The following GPC5 variants were observed in gnomAD, a reference collection of about 807,000 sequenced individuals.
GPC5 encodes the protein glypican 5, also known as glypican-5.
A neutral mutation model predicts 53.9 loss-of-function variants in GPC5; 47 were observed. The observed-to-expected ratio is 0.87, with a 90% CI of 0.69 to 1.11. The LOEUF is 1.11. Among genes scored for constraint, GPC5 ranks in the 50% most tolerant of loss-of-function variants. The probability of loss-of-function intolerance (pLI) is 0.00; values close to 1 mark genes in which losing one functional copy is unlikely to be tolerated. For missense variants in GPC5, 748 were observed against 713.1 expected (o/e 1.05, Z -0.56); for synonymous variants, 286 against 263.3 (o/e 1.09, Z -0.84).
At chr13:91,960,261 C>A (rs149443494) in intron 6 of GPC5, among the ~76,000 whole-genome samples, 1 of 151,286 alleles carries the variant, frequency 6.6e-6, no homozygotes, top group African/African-American at 2.4e-5. Flanking sequence ...ATGCAAAAAT[C>A]AGTGGCATAC....
At chr13:92,780,821 A>AT (rs1194012624) in intron 7 of GPC5, among the ~76,000 whole-genome samples, 2 of 152,078 alleles carry the variant, frequency 1.3e-5, no homozygotes, top group African/African-American at 4.8e-5. Flanking sequence ...AAATGAAGTC[A>AT]TTTTATCTAT....
At chr13:92,267,023 T>C (rs1472608068) in intron 7 of GPC5, among the ~76,000 whole-genome samples, 8 of 152,134 alleles carry the variant, frequency 5.3e-5, no homozygotes, top group Non-Finnish European at 1.2e-4. Context: ...CTATTTTTTC[T>C]TTGCTAAAAT....
At chr13:91,678,408 C>T (rs2035431850) in intron 2 of GPC5, among the ~76,000 whole-genome samples, 1 of 152,048 alleles carries the variant, frequency 6.6e-6, no homozygotes, top group South Asian at 2.1e-4. Flanking sequence ...TTTGTGTTGC[C>T]TAATGAAACT....
chr13:91,655,553 T>TA (rs2034824989), intron 2 of GPC5, among the ~76,000 whole-genome samples: 3 of 152,054 alleles, frequency 2.0e-5, no homozygotes, highest in African/African-American at 7.2e-5. Context: ...AAAAGATATT[T>TA]AAAAATTAAT....
chr13:91,968,867 T>C (rs1040204676), intron 6 of GPC5, among the ~76,000 whole-genome samples: 2 of 152,186 alleles, frequency 1.3e-5, no homozygotes, highest in Admixed American at 6.5e-5. Flanking sequence ...TCATCACTAC[T>C]ACTTATTTTC....
chr13:92,405,334 A>C (rs1409484679), intron 7 of GPC5, among the ~76,000 whole-genome samples: 1 of 152,214 alleles, frequency 6.6e-6, no homozygotes, highest in Non-Finnish European at 1.5e-5. Flanking sequence ...AAACTAGAGT[A>C]CATGTAGAAA....
At chr13:92,023,238 A>G (rs1326512) in intron 6 of GPC5, among the ~76,000 whole-genome samples, 134,797 of 151,906 alleles carry the variant, frequency 0.89, 60,567 homozygotes, top group East Asian at 1. Context: ...TTTTTTTTAT[A>G]TTGTCTCAAA....
intron 5 of GPC5, among the ~76,000 whole-genome samples, chr13:91,809,432 G>T (rs2038275512): frequency 6.6e-6 from 1 of 152,068 alleles, no homozygotes; most frequent in Non-Finnish European, 1.5e-5. Context: ...CTTCACATTT[G>T]CTTTGCTTTG....
chr13:92,451,176 GA>G (rs897766553), intron 7 of GPC5, among the ~76,000 whole-genome samples: 2 of 151,738 alleles, frequency 1.3e-5, no homozygotes, highest in African/African-American at 4.8e-5. Flanking sequence ...GGTCCTACCA[GA>G]AAAAAAATAA....
intron 5 of GPC5, among the ~76,000 whole-genome samples, chr13:91,830,753 C>CATATATATATCCTATTATATATAAA (rs2038642723): frequency 7.2e-6 from 1 of 138,662 alleles, no homozygotes; most frequent in East Asian, 2.1e-4. Flanking sequence ...TAAATATACA[C>CATATATATATCCTATTATATATAAA]ATATATATAT....
At chr13:91,842,704 C>CAAAAA (rs58660493) in intron 5 of GPC5, among the ~76,000 whole-genome samples, 3 of 58,836 alleles carry the variant, frequency 5.1e-5, no homozygotes, top group African/African-American at 1.5e-4. Flanking sequence ...GACTCCGTCT[C>CAAAAA]AAAAAAAAAA....
rs147370482 is a variant in GPC5, at chr13:92,348,364, A to G, written c.1561+203375A>G. On this transcript the variant is annotated intron_variant, in intron 7 of 7. Coordinates refer to ENST00000377067, the MANE Select transcript of GPC5 (RefSeq NM_004466.6). ...ACATCATATGATAATAAAGGGGTCA[A>G]TTTATCAAGAGGATATAATAATAGT... Among the ~76,000 whole-genome samples the G allele has an allele frequency of 8.5e-3, 1,292 of 152,190 alleles. 16 individuals are homozygous for G. The highest frequency in any genetic ancestry group is 0.03 in the African/African-American group (1,230 of 41,542).
At chr13:92,631,594 T>A (rs1374345234) in intron 7 of GPC5, among the ~76,000 whole-genome samples, 1 of 152,304 alleles carries the variant, frequency 6.6e-6, no homozygotes, top group South Asian at 2.1e-4. Flanking sequence ...ATTAGGTTTG[T>A]ATAAAAACAG....
At chr13:92,796,025 G>A (rs1876665530) in intron 7 of GPC5, among the ~76,000 whole-genome samples, 1 of 151,906 alleles carries the variant, frequency 6.6e-6, no homozygotes, top group African/African-American at 2.4e-5. Context: ...CATACCCAAA[G>A]GATTATAAAT....
At chr13:91,429,502 A>G (rs1421993421) in intron 1 of GPC5, among the ~76,000 whole-genome samples, 1 of 152,238 alleles carries the variant, frequency 6.6e-6, no homozygotes, top group South Asian at 2.1e-4. Context: ...TAATTCTAAC[A>G]TAGGCCCTCA....
Position 91,765,745 on chromosome 13 carries a change from C to G in GPC5, c.1280+9325C>G, listed in dbSNP as rs576844070. Among the ~76,000 whole-genome samples the G allele has an allele frequency of 2.6e-5, 4 of 152,218 alleles. No homozygotes were observed. The East Asian group carries it at 7.7e-4, about 29-fold the overall frequency. The stretch of plus-strand genomic sequence containing the variant: ...TTCTTTTTTGATTGAGAGGATTCAA[C>G]AGTATTTAATGAAAGAGGTAATATG... On this transcript the variant is annotated intron_variant, in intron 5 of 7. Transcript: ENST00000377067.
Position 91,882,760 on chromosome 13 carries a change from AT to A in GPC5, c.1281-25168del, listed in dbSNP as rs1318944846. ...AGTTCATCTTTGTTTATCAAAGCTG[AT>A]TTTTTTTTGTTTTAACTTTTGTGAA... On this transcript the variant is annotated intron_variant, in intron 5 of 7. Transcript: ENST00000377067. Among the ~76,000 whole-genome samples the A allele has an allele frequency of 1.5e-4, 20 of 132,196 alleles. No individual in the cohort carries two copies. In the East Asian group the frequency reaches 2.8e-3, roughly 18 times the overall value. The allele number at this position is 132,196 out of a possible 152,430, so 86.7% of individuals were successfully genotyped here. A position where few individuals can be genotyped will look rare whatever the true frequency, so the allele number is the denominator to read the frequency against.
intron 2 of GPC5, among the ~76,000 whole-genome samples, chr13:91,643,076 T>A (rs1372731081): frequency 6.6e-6 from 1 of 152,088 alleles, no homozygotes; most frequent in Non-Finnish European, 1.5e-5. Context: ...GCTAGCAGTA[T>A]ACCATAGGCT....
intron 1 of GPC5, among the ~76,000 whole-genome samples, chr13:91,444,151 T>C (rs1190449443): frequency 6.6e-6 from 1 of 152,164 alleles, no homozygotes; most frequent in Non-Finnish European, 1.5e-5. Context: ...CTTAAGGCAT[T>C]ACGTTTGTGT....
Sources: allele counts gnomAD v4.1 joint callset (sites outside exome capture counted in the v4.1 genomes callset), GRCh38; gene constraint gnomAD v4.1.1; transcripts MANE v1.5; gene names NCBI Gene and HGNC (gene_info 2026-07-23, HGNC 2026-07-21).